The following CCDC171 variants were observed in gnomAD, a reference collection of about 807,000 sequenced individuals.
CCDC171 encodes the protein coiled-coil domain-containing protein 171.
In CCDC171, 177 loss-of-function variants were observed where a neutral mutation model predicts 168.2. The observed-to-expected ratio is 1.05, with a 90% CI of 0.93 to 1.19. The LOEUF (loss-of-function observed/expected upper bound fraction) is 1.19, where lower values mean the gene tolerates loss of function less well. Ranked by LOEUF, CCDC171 falls within the 50% of genes most tolerant of loss-of-function variation. The probability of loss-of-function intolerance (pLI) is 0.00; values close to 1 mark genes in which losing one functional copy is unlikely to be tolerated. For synonymous variants in CCDC171, 687 were observed against 540.8 expected (o/e 1.27, Z -3.75); for missense variants, 1,991 against 1,539.0 (o/e 1.29, Z -4.91).
At chr9:15,564,242 G>A in intron 2 of CCDC171, 113 bp downstream of exon 2, 2 of 719,414 alleles carry the variant, frequency 2.8e-6, no homozygotes, top group East Asian at 2.7e-5. Context: ...GGTAAGGGGA[G>A]TAGAAATTCT....
chr9:15,905,060 C>G (rs1194275688), intron 24 of CCDC171, among the ~76,000 whole-genome samples: 1 of 152,162 alleles, frequency 6.6e-6, no homozygotes, highest in Non-Finnish European at 1.5e-5. Context: ...TAGACTCCCA[C>G]ACAATAATAA....
intron 24 of CCDC171, among the ~76,000 whole-genome samples, chr9:15,877,850 G>A (rs568326623): frequency 6.6e-6 from 1 of 151,966 alleles, no homozygotes; most frequent in Non-Finnish European, 1.5e-5. Flanking sequence ...ATGTACTATT[G>A]GTAATAACTG....
intron 5 of CCDC171, among the ~76,000 whole-genome samples, chr9:15,593,117 C>G (rs1293440985): frequency 6.6e-6 from 1 of 151,898 alleles, no homozygotes; most frequent in Non-Finnish European, 1.5e-5. Context: ...ATCTGAGTCA[C>G]TATTTAGCCC....
chr9:15,811,533 T>A (rs1250944185), intron 21 of CCDC171, among the ~76,000 whole-genome samples: 1 of 152,256 alleles, frequency 6.6e-6, no homozygotes, highest in East Asian at 1.9e-4. Context: ...TTACTTCATT[T>A]GGTATAGTTT....
intron 4 of CCDC171, among the ~76,000 whole-genome samples, chr9:15,579,348 C>G (rs1317978269): frequency 6.6e-6 from 1 of 152,166 alleles, no homozygotes. Flanking sequence ...AACATATACT[C>G]CAGGCTCCCC....
At chr9:16,048,886 AG>A (rs1343968237) in intron 1 of CCDC171, among the ~76,000 whole-genome samples, 1 of 151,812 alleles carries the variant, frequency 6.6e-6, no homozygotes, top group African/African-American at 2.4e-5. Context: ...GGAGGCATTT[AG>A]ACCACACAAT....
intron 1 of CCDC171, among the ~76,000 whole-genome samples, chr9:16,052,065 G>A (rs1374229231): frequency 6.6e-6 from 1 of 152,156 alleles, no homozygotes; most frequent in Non-Finnish European, 1.5e-5. Flanking sequence ...TCCCTTCCAC[G>A]ACAGGTGGGA....
intron 25 of CCDC171, among the ~76,000 whole-genome samples, chr9:15,937,081 CTGACA>C (rs1350652033): frequency 1.3e-5 from 2 of 152,054 alleles, no homozygotes; most frequent in Non-Finnish European, 2.9e-5. Flanking sequence ...AAAGAGTTGA[CTGACA>C]TAAGAATTAA....
intron 6 of CCDC171, among the ~76,000 whole-genome samples, 174 bp downstream of exon 6, chr9:15,594,346 T>C (rs1357094444): frequency 1.5e-4 from 23 of 152,172 alleles, no homozygotes; most frequent in Admixed American, 1.5e-3. Flanking sequence ...TACCAACAGA[T>C]ACCATTAGTG....
intron 25 of CCDC171, among the ~76,000 whole-genome samples, chr9:15,945,736 T>C (rs1389925546): frequency 6.6e-6 from 1 of 151,970 alleles, no homozygotes; most frequent in African/African-American, 2.4e-5. Context: ...TGTTTGTTTT[T>C]TTCTTGTAAA....
chr9:15,818,981 T>G lies in CCDC171; in HGVS notation c.3268-27721T>G, dbSNP rs572222655. ...ACCCACAAAGGGAAGCCCATCAGAC[T>G]AACAGCGGATCTCTCGGCAGAAACT... On this transcript the variant is annotated intron_variant, in intron 21 of 25. Transcript: ENST00000380701. 1.4e-3 allele frequency among the ~76,000 whole-genome samples: 165 copies of G among 117,396 alleles called. 47 individuals carry two copies. The highest frequency in any genetic ancestry group is 3.9e-3 in the African/African-American group (123 of 31,210). The allele number at this position is 117,396 out of a possible 152,430, so 77.0% of individuals were successfully genotyped here. A position where few individuals can be genotyped will look rare whatever the true frequency, so the allele number is the denominator to read the frequency against.
intron 6 of CCDC171, among the ~76,000 whole-genome samples, chr9:16,027,651 C>T (rs1833299634): frequency 6.6e-6 from 1 of 152,154 alleles, no homozygotes; most frequent in African/African-American, 2.4e-5. Context: ...AGGGCCCACT[C>T]GCCAAGCCTG....
intron 25 of CCDC171, among the ~76,000 whole-genome samples, chr9:15,958,068 A>G (rs1000428830): frequency 6.6e-6 from 1 of 152,162 alleles, no homozygotes; most frequent in East Asian, 1.9e-4. Flanking sequence ...TGCCCTGTTC[A>G]TTTTCTTTAG....
intron 6 of CCDC171, among the ~76,000 whole-genome samples, chr9:16,032,903 G>C (rs1376814981): frequency 6.6e-6 from 1 of 152,176 alleles, no homozygotes; most frequent in Non-Finnish European, 1.5e-5. Flanking sequence ...CCAGGGCCTG[G>C]ATTCCAGGTT....
At chr9:15,850,606 C>A (rs1341740) in intron 23 of CCDC171, among the ~76,000 whole-genome samples, 1 of 151,956 alleles carries the variant, frequency 6.6e-6, no homozygotes, top group South Asian at 2.1e-4. Flanking sequence ...AATTACTTTT[C>A]AAGCTTGTAG....
At chr9:16,053,484 C>T (rs1226444519) in intron 1 of CCDC171, among the ~76,000 whole-genome samples, 5 of 152,208 alleles carry the variant, frequency 3.3e-5, no homozygotes, top group South Asian at 2.1e-4. Flanking sequence ...TGGACCCATC[C>T]GCGCCTCAGT....
chr9:15,892,685 C>T (rs1168945802), intron 24 of CCDC171, among the ~76,000 whole-genome samples: 1 of 151,926 alleles, frequency 6.6e-6, no homozygotes, highest in African/African-American at 2.4e-5. Flanking sequence ...TTCACAGTTG[C>T]TGCAAAAAAC....
chr9:15,737,558 G>T (rs2054579034), intron 16 of CCDC171, among the ~76,000 whole-genome samples: 1 of 152,128 alleles, frequency 6.6e-6, no homozygotes, highest in African/African-American at 2.4e-5. Flanking sequence ...AAGCAAACCA[G>T]ACATCTTGCC....
chr9:15,935,251 A>G (rs1336263908), intron 25 of CCDC171, among the ~76,000 whole-genome samples: 1 of 152,026 alleles, frequency 6.6e-6, no homozygotes, highest in Non-Finnish European at 1.5e-5. Context: ...ACAGGATGGC[A>G]ATATGTTGTA....
Sources: gnomAD v4.1 joint callset for allele counts (sites outside exome capture counted in the v4.1 genomes callset) on GRCh38, gnomAD v4.1.1 for gene constraint, MANE v1.5 for transcripts, NCBI Gene and HGNC (gene_info 2026-07-23, HGNC 2026-07-21) for gene names.